The following DAB1 variants were observed in gnomAD, a reference collection of about 807,000 sequenced individuals.
The protein encoded by DAB1 is disabled homolog 1.
In DAB1, 15 loss-of-function variants were observed where a neutral mutation model predicts 64.6. The ratio of observed to expected loss-of-function variants is 0.23; its 90% confidence interval spans 0.16 to 0.36. The LOEUF (loss-of-function observed/expected upper bound fraction) is 0.36. DAB1 is among the 10% of genes least tolerant of loss of function. DAB1 has a pLI of 1.00. For missense variants in DAB1, 596 were observed against 706.7 expected (o/e 0.84, Z 1.78); for synonymous variants, 235 against 251.9 (o/e 0.93, Z 0.64).
intron 14 of DAB1, among the ~76,000 whole-genome samples, chr1:57,003,514 T>C (rs1645950431): frequency 6.6e-6 from 1 of 152,168 alleles, no homozygotes. Context: ...TAATCTTTTT[T>C]AGATTTTTAT....
intron 5 of DAB1, among the ~76,000 whole-genome samples, chr1:58,023,964 T>A (rs569852886): frequency 2.6e-5 from 4 of 152,182 alleles, no homozygotes; most frequent in Non-Finnish European, 5.9e-5. Context: ...AAGGTTGTTA[T>A]CTCACAACTG....
chr1:57,843,097 T>A (rs1160608564), intron 1 of DAB1, among the ~76,000 whole-genome samples: 1 of 152,106 alleles, frequency 6.6e-6, no homozygotes, highest in Non-Finnish European at 1.5e-5. Context: ...AGATAAACAT[T>A]TAAAACTCAA....
chr1:57,179,976 C>A (rs940338853), intron 2 of DAB1, among the ~76,000 whole-genome samples: 1 of 151,936 alleles, frequency 6.6e-6, no homozygotes, highest in Admixed American at 6.6e-5. Flanking sequence ...CTAGTTTTTC[C>A]GGGATGAAAA....
chr1:58,418,689 G>A (rs1053028269), intron 3 of DAB1, among the ~76,000 whole-genome samples: 2 of 152,122 alleles, frequency 1.3e-5, no homozygotes, highest in African/African-American at 4.8e-5. Flanking sequence ...AACTCAACCT[G>A]GGGAGGTTCT....
At chr1:57,648,522 C>A (rs1021642870) in intron 7 of DAB1, among the ~76,000 whole-genome samples, 1 of 152,144 alleles carries the variant, frequency 6.6e-6, no homozygotes, top group African/African-American at 2.4e-5. Context: ...ATATTTGAGT[C>A]CCTCAGAGTA....
At chr1:58,171,512 C>G (rs1656174551) in intron 4 of DAB1, among the ~76,000 whole-genome samples, 3 of 152,172 alleles carry the variant, frequency 2.0e-5, no homozygotes, top group Admixed American at 2.0e-4. Context: ...TGTACTCAAC[C>G]CCTATACCCT....
At chr1:57,428,334 T>C (rs1685368285), upstream of DAB1, among the ~76,000 whole-genome samples, 1 of 152,200 alleles carries the variant, frequency 6.6e-6, no homozygotes, top group African/African-American at 2.4e-5. Flanking sequence ...TGTCTAGCCC[T>C]GGACAAACAT....
chr1:57,585,247 T>TG (rs1172102004), intron 7 of DAB1, among the ~76,000 whole-genome samples: 2 of 56,200 alleles, frequency 3.6e-5, no homozygotes, highest in African/African-American at 1.8e-4. Context: ...AGACTCTTTC[T>TG]GAAAAAAAAA....
chr1:57,779,650 T>C (rs972140), intron 6 of DAB1, among the ~76,000 whole-genome samples: 123,763 of 152,172 alleles, frequency 0.81, 50,659 homozygotes, highest in African/African-American at 0.9. Flanking sequence ...ATATGTTGTG[T>C]GAAGCAGAAA....
chr1:57,816,730 T>C (rs1303648911), intron 6 of DAB1, among the ~76,000 whole-genome samples: 1 of 151,984 alleles, frequency 6.6e-6, no homozygotes, highest in Non-Finnish European at 1.5e-5. Flanking sequence ...CTCATCCACT[T>C]CTTCTGAAAA....
intron 6 of DAB1, 31 bp downstream of exon 6, chr1:57,071,491 C>T (rs776004302): frequency 1.9e-6 from 3 of 1,595,598 alleles, no homozygotes; most frequent in Non-Finnish European, 2.6e-6. Context: ...AAGGCCCGAT[C>T]TCCAGCGCAA....
intron 6 of DAB1, among the ~76,000 whole-genome samples, chr1:57,735,051 C>G (rs1276585674): frequency 6.6e-6 from 1 of 152,148 alleles, no homozygotes; most frequent in Non-Finnish European, 1.5e-5. Context: ...TCAATGCCTC[C>G]CATTTCATTT....
At chr1:58,254,137 A>G (rs1326421165) in intron 4 of DAB1, among the ~76,000 whole-genome samples, 7 of 152,212 alleles carry the variant, frequency 4.6e-5, no homozygotes, top group African/African-American at 7.2e-5. Flanking sequence ...AAGGGGAAAC[A>G]TGCAATAAGA....
At chr1:58,252,916 T>C (rs1460534890) in intron 4 of DAB1, among the ~76,000 whole-genome samples, 1 of 152,208 alleles carries the variant, frequency 6.6e-6, no homozygotes, top group East Asian at 1.9e-4. Flanking sequence ...CTCAATGTAT[T>C]GCACTTCTCT....
rs1314810953 is a variant in DAB1 at position 57,439,418 on chromosome 1, GTTTTTTCTTT to G, written n.626-148262_626-148253del. On this transcript the variant is annotated intron_variant and non_coding_transcript_variant, in intron 7 of 20. Coordinates refer to the DAB1 transcript ENST00000485760. Reference sequence around the variant, plus strand: ...GCCATGCCATCAACTTGGTGATGAGGTTTTTTCTTTTTTTTTTTTTTTTTTTTTTGAGACG... The same window carrying G: ...GCCATGCCATCAACTTGGTGATGAGGTTTTTTTTTTTTTTTTTTTGAGACG... Among the ~76,000 whole-genome samples, 368 of 116,136 alleles carry G rather than the reference GTTTTTTCTTT, an allele frequency of 3.2e-3. 16 individuals carry two copies. The highest frequency in any genetic ancestry group is 9.9e-3 in the Middle Eastern group (2 of 202). The allele number at this position is 116,136 out of a possible 152,430, so 76.2% of individuals were successfully genotyped here. A position where few individuals can be genotyped will look rare whatever the true frequency, so the allele number is the denominator to read the frequency against.
chr1:57,272,166 A>G (rs1214324413), intron 2 of DAB1, among the ~76,000 whole-genome samples: 1 of 152,196 alleles, frequency 6.6e-6, no homozygotes, highest in Non-Finnish European at 1.5e-5. Flanking sequence ...TGCTTTTTTC[A>G]TGAGTGGGTT....
At chr1:57,476,741 T>C (rs1334195893) in intron 7 of DAB1, among the ~76,000 whole-genome samples, 1 of 152,072 alleles carries the variant, frequency 6.6e-6, no homozygotes, top group African/African-American at 2.4e-5. Flanking sequence ...CAACATGGTA[T>C]AAAAAGTGAC....
intron 5 of DAB1, among the ~76,000 whole-genome samples, chr1:58,087,260 T>C (rs1650371972): frequency 6.6e-6 from 1 of 152,176 alleles, no homozygotes; most frequent in Non-Finnish European, 1.5e-5. Context: ...GAGGACTCAA[T>C]AACTATGCTC....
intron 7 of DAB1, among the ~76,000 whole-genome samples, chr1:57,548,021 C>T (rs1644874764): frequency 6.6e-6 from 1 of 152,132 alleles, no homozygotes. Flanking sequence ...TGTTCACAAT[C>T]ATGTAATGCA....
Sources: allele counts gnomAD v4.1 joint callset (sites outside exome capture counted in the v4.1 genomes callset), GRCh38; gene constraint gnomAD v4.1.1; transcripts MANE v1.5; gene names NCBI Gene and HGNC (gene_info 2026-07-23, HGNC 2026-07-21).